ARHGAP15: variants seen among roughly 807,000 people sequenced by gnomAD.
The protein encoded by ARHGAP15 is Rho GTPase activating protein 15.
In ARHGAP15, 51 loss-of-function variants were observed where a neutral mutation model predicts 63.7. That is an observed-to-expected ratio of 0.80 (90% CI 0.64 to 1.01). ARHGAP15 has a LOEUF of 1.01. ARHGAP15 is among the 50% of genes least tolerant of loss of function. The probability of loss-of-function intolerance (pLI) is 0.00; values close to 1 mark genes in which losing one functional copy is unlikely to be tolerated. For missense variants in ARHGAP15, 560 were observed against 564.6 expected (o/e 0.99, Z 0.08); for synonymous variants, 191 against 193.8 (o/e 0.99, Z 0.12).
At chr2:143,622,188 G>A (rs1698669860) in intron 11 of ARHGAP15, among the ~76,000 whole-genome samples, 1 of 152,164 alleles carries the variant, frequency 6.6e-6, no homozygotes, top group Non-Finnish European at 1.5e-5. Context: ...CACTCTGCAT[G>A]AGATCTTAGC....
At chr2:143,226,808 T>C (rs1693230052) in intron 4 of ARHGAP15, among the ~76,000 whole-genome samples, 1 of 152,240 alleles carries the variant, frequency 6.6e-6, no homozygotes, top group African/African-American at 2.4e-5. Flanking sequence ...TTCTGTTCTT[T>C]TTTAACACAA....
intron 6 of ARHGAP15, among the ~76,000 whole-genome samples, chr2:143,335,938 G>C (rs1016266383): frequency 6.6e-6 from 1 of 152,176 alleles, no homozygotes; most frequent in African/African-American, 2.4e-5. Flanking sequence ...AGCTCCAGGG[G>C]AGAGGAAGGA....
chr2:143,284,691 T>C (rs1329741236), intron 6 of ARHGAP15, among the ~76,000 whole-genome samples: 2 of 152,152 alleles, frequency 1.3e-5, no homozygotes, highest in East Asian at 1.9e-4. Context: ...ATAACCAACA[T>C]TGAGCTAAAC....
At chr2:143,496,338 G>A (rs1463786700) in intron 9 of ARHGAP15, among the ~76,000 whole-genome samples, 2 of 152,102 alleles carry the variant, frequency 1.3e-5, no homozygotes, top group East Asian at 3.9e-4. Flanking sequence ...AAACAATCCA[G>A]GTCTTGTGAG....
chr2:143,599,002 G>A (rs1319227262), intron 11 of ARHGAP15, among the ~76,000 whole-genome samples: 3 of 151,736 alleles, frequency 2.0e-5, no homozygotes, highest in East Asian at 1.9e-4. Context: ...GTCTGTGGGA[G>A]ACAAAAACTC....
intron 8 of ARHGAP15, among the ~76,000 whole-genome samples, chr2:143,478,322 C>A (rs918898144): frequency 6.6e-6 from 1 of 152,198 alleles, no homozygotes; most frequent in Non-Finnish European, 1.5e-5. Flanking sequence ...TTTTCTCTCT[C>A]AGCCGTACAA....
At chr2:143,447,141 C>A (rs1254636103) in intron 8 of ARHGAP15, among the ~76,000 whole-genome samples, 1 of 151,972 alleles carries the variant, frequency 6.6e-6, no homozygotes, top group East Asian at 1.9e-4. Flanking sequence ...GGGTATATAC[C>A]CAGTAATGGG....
At chr2:143,445,045 G>C (rs961657680) in intron 8 of ARHGAP15, among the ~76,000 whole-genome samples, 2 of 151,728 alleles carry the variant, frequency 1.3e-5, no homozygotes, top group Non-Finnish European at 2.9e-5. Context: ...GCCTAAAAAG[G>C]TAGAGGACTA....
rs999135104 is a variant in ARHGAP15 at position 143,191,789 on chromosome 2, T to C, written c.166-10345T>C. On this transcript the variant is annotated intron_variant, in intron 2 of 13. Transcript: ENST00000295095. ...TAGCTTCAAATAATATTTTTTCAAC[T>C]ATACCGATTTACCTCTTCTTTGACT... Among the ~76,000 whole-genome samples the C allele has an allele frequency of 2.6e-5, 4 of 152,234 alleles. No homozygotes were observed. The East Asian group carries it at 7.7e-4, about 29-fold the overall frequency.
chr2:143,461,543 C>T (rs1002133049), intron 8 of ARHGAP15, among the ~76,000 whole-genome samples: 2 of 152,052 alleles, frequency 1.3e-5, no homozygotes, highest in Non-Finnish European at 2.9e-5. Flanking sequence ...GCTTCACCAC[C>T]ATTCGAGAAA....
chr2:143,653,395 C>G (rs1185914063), intron 12 of ARHGAP15, among the ~76,000 whole-genome samples: 1 of 152,036 alleles, frequency 6.6e-6, no homozygotes, highest in Non-Finnish European at 1.5e-5. Flanking sequence ...CTACGAAGTA[C>G]TCCATCCTCT....
chr2:143,572,178 C>T (rs1696487550), intron 11 of ARHGAP15: 1 of 152,266 alleles, frequency 6.6e-6, no homozygotes, highest in Non-Finnish European at 1.5e-5. Context: ...TGTAGGCTTT[C>T]AGCAAAGCTG....
intron 12 of ARHGAP15, among the ~76,000 whole-genome samples, chr2:143,667,805 C>T (rs1026564284): frequency 6.6e-5 from 10 of 151,622 alleles, no homozygotes; most frequent in African/African-American, 1.2e-4. Context: ...GCCTAGGCAA[C>T]GTGGTGAAAC....
chr2:143,491,603 A>T (rs1264180699), intron 9 of ARHGAP15, among the ~76,000 whole-genome samples: 1 of 152,168 alleles, frequency 6.6e-6, no homozygotes, highest in Non-Finnish European at 1.5e-5. Context: ...CACCTCAGGG[A>T]TTTATGATAA....
chr2:143,565,422 G>A (rs1306570021), intron 11 of ARHGAP15, among the ~76,000 whole-genome samples: 1 of 152,120 alleles, frequency 6.6e-6, no homozygotes, highest in East Asian at 1.9e-4. Flanking sequence ...ATGGCAAAGT[G>A]CCTGCCACTT....
intron 6 of ARHGAP15, among the ~76,000 whole-genome samples, chr2:143,257,362 C>T (rs1680478284): frequency 1.3e-5 from 2 of 152,098 alleles, no homozygotes; most frequent in Admixed American, 1.3e-4. Flanking sequence ...TCCAAAATAA[C>T]ATAAAACAAA....
intron 9 of ARHGAP15, among the ~76,000 whole-genome samples, chr2:143,508,030 AC>A (rs35485501): frequency 0.39 from 57,114 of 147,614 alleles, 12,700 homozygotes; most frequent in Non-Finnish European, 0.52. Flanking sequence ...ATATCATGTC[AC>A]CCCCCCCTCC....
chr2:143,454,908 G>T (rs1690574262), intron 8 of ARHGAP15, among the ~76,000 whole-genome samples: 1 of 152,040 alleles, frequency 6.6e-6, no homozygotes, highest in African/African-American at 2.4e-5. Context: ...TAGGGGAGTT[G>T]CTTTGTGCAT....
Position 143,556,435 on chromosome 2 carries a change from T to A in ARHGAP15, c.953T>A (p.Val318Asp), listed in dbSNP as rs1695802795. The A allele has an allele frequency of 6.2e-7, 1 of 1,612,378 alleles. No individual in the cohort carries two copies. The highest frequency in any genetic ancestry group is 1.3e-5 in the African/African-American group (1 of 74,862). The change falls in exon 11 of 14, where the codon GTT (valine) becomes GAT (aspartate). Residue 318 changes from valine to aspartate, a missense_variant. Coordinates refer to ENST00000295095, the MANE Select transcript of ARHGAP15 (RefSeq NM_018460.4). ...CTAGATGTTGATGGAATATATCGAG[T>A]TAGTGGCAATCTGGCAACAATACAG... ...RGLDVDGIYR[V>D]SGNLATIQKL...
Sources: gnomAD v4.1 joint callset for allele counts (sites outside exome capture counted in the v4.1 genomes callset) on GRCh38, gnomAD v4.1.1 for gene constraint, MANE v1.5 for transcripts, NCBI Gene and HGNC (gene_info 2026-07-23, HGNC 2026-07-21) for gene names.